Variants in ZNF385D observed in about 807,000 individuals in gnomAD.
The protein encoded by ZNF385D is zinc finger protein 659.
Under a neutral mutation model 35.8 loss-of-function variants are expected in ZNF385D, and 15 were observed. The ratio of observed to expected loss-of-function variants is 0.42; its 90% CI spans 0.28 to 0.64. The LOEUF (loss-of-function observed/expected upper bound fraction) is 0.64, where lower values mean the gene tolerates loss of function less well. Among genes scored for constraint, ZNF385D ranks in the 30% least tolerant of loss-of-function variants. The pLI, the probability that ZNF385D is intolerant of heterozygous loss-of-function variation, is 0.23. For synonymous variants in ZNF385D, 212 were observed against 186.8 expected (o/e 1.13, Z -1.10); for missense variants, 474 against 494.6 (o/e 0.96, Z 0.39).
At chr3:22,104,628 CG>C (rs1269508329) in intron 3 of ZNF385D, among the ~76,000 whole-genome samples, 1 of 151,440 alleles carries the variant, frequency 6.6e-6, no homozygotes, top group African/African-American at 2.4e-5. Context: ...AACATAAAAA[CG>C]ACAACAGGCA....
intron 2 of ZNF385D, among the ~76,000 whole-genome samples, chr3:22,346,095 G>C (rs1695647302): frequency 6.6e-6 from 1 of 152,142 alleles, no homozygotes; most frequent in Non-Finnish European, 1.5e-5. Context: ...AATGGAAATT[G>C]AATGTCTGCT....
At chr3:21,679,368 A>G (rs2066828239) in intron 1 of ZNF385D, among the ~76,000 whole-genome samples, 1 of 152,074 alleles carries the variant, frequency 6.6e-6, no homozygotes, top group Non-Finnish European at 1.5e-5. Flanking sequence ...ATTAATTGGT[A>G]TATCTCTTAT....
chr3:21,518,195 A>G (rs1334161670), intron 3 of ZNF385D, among the ~76,000 whole-genome samples: 1 of 152,200 alleles, frequency 6.6e-6, no homozygotes, highest in Non-Finnish European at 1.5e-5. Context: ...TGAACAATGT[A>G]TATTACTCAC....
chr3:22,010,644 G>A (rs1696513701), intron 3 of ZNF385D, among the ~76,000 whole-genome samples: 1 of 152,084 alleles, frequency 6.6e-6, no homozygotes, highest in African/African-American at 2.4e-5. Context: ...AGGTTCCAAT[G>A]GACCTAATAC....
At chr3:21,845,153 ACTT>A (rs1302912216) in intron 3 of ZNF385D, among the ~76,000 whole-genome samples, 1 of 151,986 alleles carries the variant, frequency 6.6e-6, no homozygotes, top group Non-Finnish European at 1.5e-5. Context: ...TCTCTAGTCT[ACTT>A]CTACGAATGC....
At chr3:22,293,862 G>A (rs1305815396) in intron 2 of ZNF385D, among the ~76,000 whole-genome samples, 1 of 152,118 alleles carries the variant, frequency 6.6e-6, no homozygotes, top group Non-Finnish European at 1.5e-5. Flanking sequence ...ATCCCTCCAG[G>A]TAATTTTCAT....
chr3:22,178,374 T>A lies in ZNF385D; in HGVS notation c.107-9339A>T, dbSNP rs1446558286. Among the ~76,000 whole-genome samples the A allele has an allele frequency of 7.2e-5, 11 of 152,332 alleles. No homozygotes were observed. The South Asian group carries it at 8.3e-4, about 11-fold the overall frequency. On this transcript the variant is annotated intron_variant, in intron 2 of 5. Transcript: ENST00000494108. ...TTTTTCATGTGTCTTTTGGCTGCAT[T>A]AATGTCTTCTTTTGAGAAGTGTCTG...
chr3:21,652,189 G>C (rs189658167), intron 2 of ZNF385D, among the ~76,000 whole-genome samples: 3 of 152,228 alleles, frequency 2.0e-5, no homozygotes, highest in Admixed American at 1.3e-4. Context: ...CACATTTTCT[G>C]ATTGACTTTT....
intron 2 of ZNF385D, among the ~76,000 whole-genome samples, chr3:21,659,929 C>G (rs1201049339): frequency 6.6e-6 from 1 of 152,098 alleles, no homozygotes; most frequent in Non-Finnish European, 1.5e-5. Context: ...ACATGATTAC[C>G]TGTGATTTCA....
At chr3:22,162,401 G>GC (rs1311149865) in intron 3 of ZNF385D, among the ~76,000 whole-genome samples, 2 of 152,028 alleles carry the variant, frequency 1.3e-5, no homozygotes, top group African/African-American at 2.4e-5. Flanking sequence ...TTTCTCTGAA[G>GC]CCCCCCTTAT....
At chr3:21,522,394 A>G (rs1401473056) in intron 3 of ZNF385D, among the ~76,000 whole-genome samples, 2 of 152,220 alleles carry the variant, frequency 1.3e-5, no homozygotes, top group Middle Eastern at 6.8e-3. Context: ...CTAGAGTGCA[A>G]TGGCACGATC....
At chr3:22,167,050 G>A (rs13090065) in intron 3 of ZNF385D, among the ~76,000 whole-genome samples, 26,594 of 152,170 alleles carry the variant, frequency 0.17, 2,491 homozygotes, top group African/African-American at 0.2. Flanking sequence ...GCGGTAGGAA[G>A]CAGACAAATG....
In ZNF385D at chr3:21,915,565, T is replaced by A. The variant is rs535101376; in HGVS notation, c.326-250537A>T. On this transcript the variant is annotated intron_variant, in intron 3 of 5. Transcript: ENST00000494108. ...TATTGCCTGTATTGATGCTTTGTAT[T>A]AGTGTTTACGGTAAAGCATCTGGTT... Among the ~76,000 whole-genome samples, 3 of 152,228 alleles carry A rather than the reference T, an allele frequency of 2.0e-5. No homozygotes were observed. The East Asian group carries it at 5.8e-4, about 29-fold the overall frequency.
chr3:22,293,509 T>G (rs1385176097), intron 2 of ZNF385D, among the ~76,000 whole-genome samples: 1 of 152,140 alleles, frequency 6.6e-6, no homozygotes, highest in East Asian at 1.9e-4. Context: ...ATACTCTCCT[T>G]ACAAGCTAAT....
At chr3:21,806,466 G>C (rs1575683511) in intron 3 of ZNF385D, among the ~76,000 whole-genome samples, 1 of 151,922 alleles carries the variant, frequency 6.6e-6, no homozygotes, top group East Asian at 1.9e-4. Context: ...CGGCCTCCCA[G>C]AGTGCTGGGA....
At chr3:21,835,681 G>T (rs1695288268) in intron 3 of ZNF385D, among the ~76,000 whole-genome samples, 1 of 152,018 alleles carries the variant, frequency 6.6e-6, no homozygotes, top group South Asian at 2.1e-4. Flanking sequence ...AAGGTTCTTG[G>T]TAAACCAGAA....
intron 3 of ZNF385D, among the ~76,000 whole-genome samples, chr3:22,106,787 C>T (rs909994351): frequency 5.9e-5 from 9 of 152,236 alleles, no homozygotes; most frequent in Middle Eastern, 3.4e-3. Context: ...CTACCTAATG[C>T]GGAGAAGCCT....
chr3:22,141,059 A>G (rs1165712592), intron 3 of ZNF385D, among the ~76,000 whole-genome samples: 1 of 152,228 alleles, frequency 6.6e-6, no homozygotes, highest in African/African-American at 2.4e-5. Flanking sequence ...ATTCTCAGAG[A>G]TTAAGAGATT....
chr3:22,199,439 AAAC>A (rs1287718888), intron 2 of ZNF385D, among the ~76,000 whole-genome samples: 4 of 152,120 alleles, frequency 2.6e-5, no homozygotes, highest in Admixed American at 6.6e-5. Context: ...TGCCCCTGCA[AAAC>A]AACAAGATGT....
Sources: gnomAD v4.1 joint callset for allele counts (sites outside exome capture counted in the v4.1 genomes callset) on GRCh38, gnomAD v4.1.1 for gene constraint, MANE v1.5 for transcripts, NCBI Gene and HGNC (gene_info 2026-07-23, HGNC 2026-07-21) for gene names.